The following LUC7L2 variants were observed in gnomAD, a reference collection of about 807,000 sequenced individuals.
LUC7L2 encodes the protein LUC7 like 2, pre-mRNA splicing factor, also known as putative RNA-binding protein Luc7-like 2.
In LUC7L2, 25 loss-of-function variants were observed where a neutral mutation model predicts 52.8. The observed-to-expected ratio is 0.47, with a 90% CI of 0.34 to 0.66. The LOEUF (loss-of-function observed/expected upper bound fraction) is 0.66. Among genes scored for constraint, LUC7L2 ranks in the 30% least tolerant of loss-of-function variants. The pLI, the probability that LUC7L2 is intolerant of heterozygous loss-of-function variation, is 0.01. For missense variants in LUC7L2, 328 were observed against 497.8 expected, an observed-to-expected ratio of 0.66 and a Z score of 3.25; for synonymous variants, 144 against 160.9, an observed-to-expected ratio of 0.89 and a Z score of 0.80.
At chr7:139,353,694 G>A (rs1268950553) in intron 1 of LUC7L2, among the ~76,000 whole-genome samples, 8 of 152,172 alleles carry the variant, frequency 5.3e-5, no homozygotes, top group Admixed American at 5.2e-4. Flanking sequence ...TCAGAAGGCC[G>A]AGGCAGGAGA....
intron 7 of LUC7L2, among the ~76,000 whole-genome samples, chr7:139,410,110 G>C (rs1795291939): frequency 6.6e-6 from 1 of 152,066 alleles, no homozygotes; most frequent in South Asian, 2.1e-4. Flanking sequence ...GGGAGGCTGA[G>C]GCAGGAGAAT....
intron 8 of LUC7L2, among the ~76,000 whole-genome samples, chr7:139,415,054 G>GTTTTTTTT (rs1171809951): frequency 1.7e-4 from 9 of 54,184 alleles, no homozygotes; most frequent in Non-Finnish European, 2.2e-4. Flanking sequence ...GCCCTGCTAA[G>GTTTTTTTT]TTTTTTTTTT....
At chr7:139,419,018 G>A (rs1441134514) in intron 9 of LUC7L2, among the ~76,000 whole-genome samples, 1 of 152,096 alleles carries the variant, frequency 6.6e-6, no homozygotes, top group African/African-American at 2.4e-5. Context: ...GGCTGAGGAA[G>A]GAGAATTGCT....
chr7:139,372,813 T>C (rs1326410733), intron 1 of LUC7L2, among the ~76,000 whole-genome samples: 1 of 152,148 alleles, frequency 6.6e-6, no homozygotes, highest in Admixed American at 6.5e-5. Flanking sequence ...TAATATGTCC[T>C]ATTTCTTTAG....
intron 9 of LUC7L2, among the ~76,000 whole-genome samples, chr7:139,420,906 C>A (rs1172701885): frequency 3.9e-5 from 6 of 152,150 alleles, no homozygotes; most frequent in Non-Finnish European, 8.8e-5. Flanking sequence ...TCAAGTGATT[C>A]TCCTGCCTCA....
intron 5 of LUC7L2, among the ~76,000 whole-genome samples, chr7:139,406,213 G>A (rs1206998005): frequency 6.6e-6 from 1 of 152,010 alleles, no homozygotes; most frequent in Non-Finnish European, 1.5e-5. Flanking sequence ...CACCACACCT[G>A]GCTAATATTT....
At chr7:139,349,618 C>A (rs979825155) in intron 1 of LUC7L2, among the ~76,000 whole-genome samples, 2 of 143,754 alleles carry the variant, frequency 1.4e-5, no homozygotes, top group African/African-American at 2.8e-5. Context: ...AACTGCTCCC[C>A]CCCCCCCCAC....
At chr7:139,386,155 A>G (rs1794182639) in intron 2 of LUC7L2, among the ~76,000 whole-genome samples, 1 of 152,016 alleles carries the variant, frequency 6.6e-6, no homozygotes, top group African/African-American at 2.4e-5. Flanking sequence ...GGCACCCACC[A>G]CCACGCCTGG....
Position 139,417,617 on chromosome 7 carries a change from C to T in LUC7L2, c.889C>T (p.Arg297Trp), listed in dbSNP as rs201414693. Residue 297 changes from arginine to tryptophan, a missense_variant, in exon 9 of 10, where the codon CGG becomes TGG. Physicochemically the swap from Arg to Trp is moderately radical, Grantham distance 101. Around this residue, in one of 2 missense-constraint regions of LUC7L2, gnomAD observed 195 missense variants for 223.3 expected, o/e 0.87. Transcript: ENST00000354926. ...CAAGAGGAGAACTCGATCCAAATCT[C>T]GGGAGAAACGCCATCGCCACAGGTC... Reference protein sequence around the residue: ...ERKRRTRSKSREKRHRHRSRS... With the variant: ...ERKRRTRSKSWEKRHRHRSRS... 207 of 1,614,084 alleles carry T rather than the reference C, an allele frequency of 1.3e-4. No homozygotes were observed. Among genetic ancestry groups the T allele is most frequent in the South Asian group, 2.0e-4 (18 of 91,072 alleles).
intron 8 of LUC7L2, among the ~76,000 whole-genome samples, chr7:139,414,947 C>A (rs1795521576): frequency 6.6e-6 from 1 of 151,570 alleles, no homozygotes. Flanking sequence ...AGTGCAGTGG[C>A]AAAATGCCAG....
At chr7:139,385,533 C>T (rs892020661) in intron 2 of LUC7L2, among the ~76,000 whole-genome samples, 2 of 151,968 alleles carry the variant, frequency 1.3e-5, no homozygotes, top group Non-Finnish European at 2.9e-5. Context: ...GCTGTCCAGG[C>T]TCTTCTCAAA....
intron 1 of LUC7L2, among the ~76,000 whole-genome samples, chr7:139,366,630 ACAGCAGAGCTGAATGGTTG>A (rs1800168893): frequency 6.6e-6 from 1 of 152,202 alleles, no homozygotes; most frequent in Admixed American, 6.5e-5. Context: ...TTGGCTTACG[ACAGCAGAGCTGAATGGTTG>A]CAACAGAGTC....
At chr7:139,408,841 C>CAAAAAA (rs564827916) in intron 6 of LUC7L2, among the ~76,000 whole-genome samples, 2 of 86,972 alleles carry the variant, frequency 2.3e-5, no homozygotes, top group Admixed American at 1.3e-4. Context: ...GACTCTGTCT[C>CAAAAAA]AAAAAAAAAA....
intron 1 of LUC7L2, among the ~76,000 whole-genome samples, chr7:139,361,455 T>A (rs1799877810): frequency 6.6e-6 from 1 of 152,248 alleles, no homozygotes. Flanking sequence ...TATGAGTAAA[T>A]TTTAAAAATT....
At chr7:139,390,520 C>T (rs113352813) in intron 2 of LUC7L2, among the ~76,000 whole-genome samples, 8 of 150,000 alleles carry the variant, frequency 5.3e-5, no homozygotes, top group African/African-American at 2.0e-4. Flanking sequence ...TGAGCCACTG[C>T]GTCTGGCCTA....
chr7:139,360,844 A>C (rs561750251), intron 1 of LUC7L2, among the ~76,000 whole-genome samples: 1 of 152,042 alleles, frequency 6.6e-6, no homozygotes, highest in African/African-American at 2.4e-5. Flanking sequence ...AGAAACAACC[A>C]TTTTTATGGA....
chr7:139,422,459 AT>A lies in LUC7L2; in HGVS notation c.*120del. ...CAGACACCAGATCCAGCTAGGCTAGATGTACAGTATCTAACTTGATCTGAAC... is the reference window on the plus strand; with the variant it reads ...CAGACACCAGATCCAGCTAGGCTAGAGTACAGTATCTAACTTGATCTGAAC... On this transcript the variant is annotated 3_prime_UTR_variant, in exon 10 of 10. Coordinates refer to ENST00000354926, the MANE Select transcript of LUC7L2 (RefSeq NM_016019.5). 6.9e-7 allele frequency: 1 copy of A among 1,458,966 alleles called. No homozygotes were observed. Among genetic ancestry groups the A allele is most frequent in the African/African-American group, 1.4e-5 (1 of 70,886 alleles). The allele number at this position is 1,458,966 out of a possible 1,614,324, so 90.4% of individuals were successfully genotyped here.
intron 1 of LUC7L2, among the ~76,000 whole-genome samples, chr7:139,367,070 G>A (rs146022545): frequency 9.9e-5 from 15 of 152,062 alleles, no homozygotes; most frequent in African/African-American, 3.4e-4. Flanking sequence ...TCCGCCTCTC[G>A]AGTTCAGGCG....
At chr7:139,385,309 T>A (rs1410987505) in intron 2 of LUC7L2, among the ~76,000 whole-genome samples, 2 of 127,730 alleles carry the variant, frequency 1.6e-5, no homozygotes, top group Non-Finnish European at 3.1e-5. Context: ...CAGTTAGGAT[T>A]ACTTTTTTTT....
Sources: allele counts gnomAD v4.1 joint callset (sites outside exome capture counted in the v4.1 genomes callset), GRCh38; gene constraint gnomAD v4.1.1; regional missense constraint gnomAD v4.1.1; transcripts MANE v1.5; gene names NCBI Gene and HGNC (gene_info 2026-07-23, HGNC 2026-07-21).